The following CAPN2 variants were observed in gnomAD, a reference collection of about 807,000 sequenced individuals.
CAPN2 encodes calpain-2 catalytic subunit.
A neutral mutation model predicts 102.3 loss-of-function variants in CAPN2; 92 were observed. The observed-to-expected ratio is 0.90, with a 90% CI of 0.76 to 1.07. CAPN2 has a LOEUF of 1.07. CAPN2 is among the 50% of genes least tolerant of loss of function. CAPN2 has a pLI of 0.00. For synonymous variants in CAPN2, 340 were observed against 355.4 expected (o/e 0.96, Z 0.49); for missense variants, 800 against 909.4 (o/e 0.88, Z 1.55).
At chr1:223,702,393 C>T (rs1659506615) in intron 1 of CAPN2, among the ~76,000 whole-genome samples, 1 of 151,674 alleles carries the variant, frequency 6.6e-6, no homozygotes, top group South Asian at 2.1e-4. Flanking sequence ...CACCACTGCA[C>T]TCCAGCCTGG....
At chr1:223,709,147 CCA>C (rs1659675893), upstream of CAPN2, among the ~76,000 whole-genome samples, 1 of 151,966 alleles carries the variant, frequency 6.6e-6, no homozygotes, top group African/African-American at 2.4e-5. Context: ...CAGGGACACT[CCA>C]CTTTGTTTGT....
rs1661134485 is a variant in CAPN2 at position 223,759,538 on chromosome 1, G to T, written c.1529+57G>T. Reference sequence around the variant, plus strand: ...CTTCCCTGTCCCTCCCCACTGGTCTGTTCCTCGGCCCCTAGAGGGCTCTTT... The same window carrying T: ...CTTCCCTGTCCCTCCCCACTGGTCTTTTCCTCGGCCCCTAGAGGGCTCTTT... On this transcript the variant is annotated intron_variant, in intron 12 of 20. Coordinates refer to ENST00000295006, the MANE Select transcript of CAPN2 (RefSeq NM_001748.5). The surrounding 1 kb of genome is among the most constrained non-coding windows in gnomAD (Gnocchi z 4.6). 1.4e-6 allele frequency: 2 copies of T among 1,475,280 alleles called. No individual in the cohort carries two copies. Among genetic ancestry groups the T allele is most frequent in the African/African-American group, 2.8e-5 (2 of 72,020 alleles). The allele number at this position is 1,475,280 out of a possible 1,614,324, so 91.4% of individuals were successfully genotyped here.
chr1:223,767,221 G>C (rs906546592), intron 16 of CAPN2, among the ~76,000 whole-genome samples: 3 of 151,484 alleles, frequency 2.0e-5, no homozygotes, highest in Non-Finnish European at 2.9e-5. Flanking sequence ...TAAGTTTTAG[G>C]GTACATGTGC....
intron 3 of CAPN2, 120 bp downstream of exon 3, chr1:223,744,338 C>G: frequency 2.8e-6 from 2 of 704,274 alleles, no homozygotes; most frequent in African/African-American, 3.5e-5. Context: ...CAATACTGTT[C>G]TACAAAGGAC....
rs1661019530 is a variant in CAPN2, at chr1:223,755,746, C to G, written c.1305+97C>G. 1.6e-6 allele frequency: 2 copies of G among 1,245,544 alleles called. No individual in the cohort carries two copies. Among genetic ancestry groups the G allele is most frequent in the Admixed American group, 5.7e-5 (2 of 35,178 alleles). The allele number at this position is 1,245,544 out of a possible 1,614,324, so 77.2% of individuals were successfully genotyped here. On this transcript the variant is annotated intron_variant, in intron 10 of 20. Transcript: ENST00000295006. This position sits in a 1 kb window ranked among gnomAD's most constrained non-coding sequence, Gnocchi z 4.1. The stretch of plus-strand genomic sequence containing the variant: ...CCAGAGGCAGAACTGGGGATGGGAT[C>G]CCAGACCGGGAGCTTGGCCAAGGAA...
At chr1:223,757,718 C>T (rs1421723436) in intron 11 of CAPN2, 2 of 394,070 alleles carry the variant, frequency 5.1e-6, no homozygotes, top group Admixed American at 7.9e-5. Context: ...AAGACTGAGT[C>T]AGGGAAAAGG....
intron 17 of CAPN2, 79 bp downstream of exon 17, chr1:223,769,988 C>G: frequency 9.1e-7 from 1 of 1,093,186 alleles, no homozygotes; most frequent in African/African-American, 1.6e-5. Context: ...AACTCCTGCA[C>G]AGAGTGGAGA....
upstream of CAPN2, among the ~76,000 whole-genome samples, chr1:223,708,419 T>C (rs1417011346): frequency 7.5e-6 from 1 of 133,382 alleles, no homozygotes; most frequent in Non-Finnish European, 1.6e-5. Context: ...AGTGAAACTC[T>C]GTTTAAAAAA....
At chr1:223,705,457 TC>T (rs1311704924) in intron 1 of CAPN2, among the ~76,000 whole-genome samples, 1 of 152,114 alleles carries the variant, frequency 6.6e-6, no homozygotes, top group Admixed American at 6.6e-5. Context: ...TCTGGGCAGT[TC>T]TAGAATTTCG....
At chr1:223,719,204 G>A (rs758896160) in intron 2 of CAPN2, among the ~76,000 whole-genome samples, 1 of 152,294 alleles carries the variant, frequency 6.6e-6, no homozygotes, top group Non-Finnish European at 1.5e-5. Context: ...TAGAGAAAAT[G>A]GAATTGATGG....
At chr1:223,766,717 A>G (rs1661342786) in intron 16 of CAPN2, among the ~76,000 whole-genome samples, 1 of 152,250 alleles carries the variant, frequency 6.6e-6, no homozygotes, top group Middle Eastern at 3.4e-3. Context: ...AGCACTTTGG[A>G]AGGCCAAGGT....
rs1660241805 is a variant in CAPN2, at chr1:223,727,972, T to C, written c.307+10141T>C. On this transcript the variant is annotated intron_variant, in intron 2 of 20. Coordinates refer to ENST00000295006, the MANE Select transcript of CAPN2 (RefSeq NM_001748.5). This position sits in a 1 kb window ranked among gnomAD's most constrained non-coding sequence, Gnocchi z 4.1. ...GGAACTGCAGAGCAGCTGGGTGGCC[T>C]GACACTGGCATTTCTCAGTGTTGGC... Among the ~76,000 whole-genome samples the C allele has an allele frequency of 6.6e-6, 1 of 152,134 alleles. No individual in the cohort carries two copies. The highest frequency in any genetic ancestry group is 6.5e-5 in the Admixed American group (1 of 15,274).
At chr1:223,763,641 G>T (rs1280684316) in intron 14 of CAPN2, among the ~76,000 whole-genome samples, 1 of 152,132 alleles carries the variant, frequency 6.6e-6, no homozygotes, top group Non-Finnish European at 1.5e-5. Flanking sequence ...AAAGAATGAA[G>T]AAAACATGCC....
intron 15 of CAPN2, 98 bp downstream of exon 15, chr1:223,764,305 C>A: frequency 2.0e-6 from 2 of 981,072 alleles, no homozygotes; most frequent in Non-Finnish European, 3.3e-6. Context: ...GCTGCTGTGA[C>A]TAAACCACCA....
At chr1:223,724,150 C>A (rs1050483243) in intron 2 of CAPN2, among the ~76,000 whole-genome samples, 1 of 152,188 alleles carries the variant, frequency 6.6e-6, no homozygotes, top group Non-Finnish European at 1.5e-5. Flanking sequence ...CTCGACAGCC[C>A]CCTGCACCCT....
rs201100784 is a variant in CAPN2 at position 223,772,211 on chromosome 1, C to T, written c.2051C>T (p.Thr684Ile). Residue 684 changes from threonine to isoleucine, a missense_variant, in exon 20 of 21, where the codon ACT (threonine) becomes ATT (isoleucine). Physicochemically the swap from Thr to Ile is moderately conservative, Grantham distance 89 (BLOSUM62 -1). Transcript: ENST00000295006. ...KIFKQLDPENTGTIELDLISW... is the reference protein window; with the variant it reads ...KIFKQLDPENIGTIELDLISW... ...TTTAAGCAGCTGGATCCCGAGAATA[C>T]TGGAACAATAGAGCTCGACCTTATC... The T allele has an allele frequency of 2.5e-6, 4 of 1,614,002 alleles. No individual in the cohort carries two copies. In the African/African-American group the frequency reaches 5.3e-5, roughly 22 times the overall value.
rs1204250433 is a variant in CAPN2 at position 223,755,420 on chromosome 1, C to G, written c.1136-60C>G. 1 of 1,567,668 alleles carries G rather than the reference C, an allele frequency of 6.4e-7. No individual in the cohort carries two copies. The highest frequency in any genetic ancestry group is 1.7e-5 in the Admixed American group (1 of 58,394). On this transcript the variant is annotated intron_variant, in intron 9 of 20. Coordinates refer to ENST00000295006, the MANE Select transcript of CAPN2 (RefSeq NM_001748.5). This position sits in a 1 kb window ranked among gnomAD's most constrained non-coding sequence, Gnocchi z 4.1. Reference sequence around the variant, plus strand: ...GCCTCCAAGCCTGAGACCAGGGCCACCCCCCACCCCCATGCATTCCTGCTC... The same window carrying G: ...GCCTCCAAGCCTGAGACCAGGGCCAGCCCCCACCCCCATGCATTCCTGCTC...
intron 1 of CAPN2, among the ~76,000 whole-genome samples, chr1:223,707,296 C>T (rs2102767370): frequency 6.6e-6 from 1 of 152,226 alleles, no homozygotes; most frequent in South Asian, 2.1e-4. Context: ...CTCACTCCCT[C>T]TCTCATTTAC....
Position 223,767,379 on chromosome 1 carries a change from C to T in CAPN2, c.1755+948C>T, listed in dbSNP as rs535104788. On this transcript the variant is annotated intron_variant, in intron 16 of 20. Transcript: ENST00000295006. ...AACAGTCCCCAGAGTGTGATGTTCC[C>T]CTTCCTGTGTCCATGTGTTCTCATT... 2.2e-5 allele frequency among the ~76,000 whole-genome samples: 3 copies of T among 134,642 alleles called. No homozygotes were observed. The South Asian group carries it at 7.8e-4, about 35-fold the overall frequency. The allele number at this position is 134,642 out of a possible 152,430, so 88.3% of individuals were successfully genotyped here.
Sources: allele counts gnomAD v4.1 joint callset (sites outside exome capture counted in the v4.1 genomes callset), GRCh38; gene constraint gnomAD v4.1.1; non-coding constraint Gnocchi (gnomAD v3.1); transcripts MANE v1.5; gene names NCBI Gene and HGNC (gene_info 2026-07-23, HGNC 2026-07-21).